Variants in NRG3 observed in about 807,000 individuals in gnomAD.
NRG3 encodes the protein pro-neuregulin-3, membrane-bound isoform.
NRG3 carries 31 observed loss-of-function variants against 66.9 expected under a neutral mutation model. The observed-to-expected ratio is 0.46, with a 90% CI of 0.35 to 0.63. The LOEUF is 0.63. Ranked by LOEUF, NRG3 falls within the 20% of genes least tolerant of loss-of-function variation. The probability of loss-of-function intolerance (pLI) is 0.00; values close to 1 mark genes in which losing one functional copy is unlikely to be tolerated. For missense variants in NRG3, 910 were observed against 878.9 expected, an observed-to-expected ratio of 1.04 and a Z score of -0.45; for synonymous variants, 393 against 359.4, an observed-to-expected ratio of 1.09 and a Z score of -1.06.
chr10:82,981,236 G>A (rs557968300), intron 8 of NRG3, among the ~76,000 whole-genome samples: 55 of 152,250 alleles, frequency 3.6e-4, no homozygotes, highest in African/African-American at 1.3e-3. Flanking sequence ...CTTATTTTCT[G>A]CGTGGTGGTG....
At chr10:82,676,038 C>T (rs1057078532) in intron 2 of NRG3, among the ~76,000 whole-genome samples, 7 of 152,132 alleles carry the variant, frequency 4.6e-5, no homozygotes, top group Non-Finnish European at 1.0e-4. Flanking sequence ...GGTGTATTCT[C>T]ATTCAATAAT....
At chr10:82,808,366 A>T (rs2135485196) in intron 3 of NRG3, among the ~76,000 whole-genome samples, 1 of 152,326 alleles carries the variant, frequency 6.6e-6, no homozygotes, top group South Asian at 2.1e-4. Context: ...TCCAGAAAAT[A>T]AATATTCAAA....
intron 3 of NRG3, among the ~76,000 whole-genome samples, chr10:82,853,018 G>C (rs554582809): frequency 6.6e-6 from 1 of 152,132 alleles, no homozygotes; most frequent in East Asian, 1.9e-4. Context: ...TTGCATGATG[G>C]CCTGGTTTGA....
intron 1 of NRG3, among the ~76,000 whole-genome samples, chr10:82,013,929 G>A (rs938063266): frequency 3.3e-5 from 5 of 152,042 alleles, no homozygotes; most frequent in Non-Finnish European, 5.9e-5. Flanking sequence ...AACTTTAATA[G>A]CACGTATTGG....
At chr10:81,950,492 A>G (rs1383515080) in intron 1 of NRG3, among the ~76,000 whole-genome samples, 1 of 152,162 alleles carries the variant, frequency 6.6e-6, no homozygotes, top group African/African-American at 2.4e-5. Flanking sequence ...CTGTGAACTC[A>G]CCCTGTGTTC....
chr10:82,711,541 G>A (rs1474799499), intron 2 of NRG3, among the ~76,000 whole-genome samples: 1 of 79,182 alleles, frequency 1.3e-5, no homozygotes, highest in African/African-American at 6.3e-5. Context: ...GTGTTTGTGT[G>A]TGTGTGTGTG....
chr10:82,260,395 CAT>C lies in NRG3; in HGVS notation c.824-98343_824-98342del, dbSNP rs2077961878. 2.0e-5 allele frequency among the ~76,000 whole-genome samples: 3 copies of C among 152,300 alleles called. No homozygotes were observed. The South Asian group carries it at 6.2e-4, about 32-fold the overall frequency. On this transcript the variant is annotated intron_variant, in intron 1 of 8. Coordinates refer to ENST00000372141, the MANE Select transcript of NRG3 (RefSeq NM_001010848.4). ...ATCAGGAAGGGATTCTTAGAAGTGACATGTGCCCTGGATTAAGTAGAGGCCTG... is the reference window on the plus strand; with the variant it reads ...ATCAGGAAGGGATTCTTAGAAGTGACGTGCCCTGGATTAAGTAGAGGCCTG...
chr10:82,324,459 TTG>T (rs1452821037), intron 1 of NRG3, among the ~76,000 whole-genome samples: 2 of 152,120 alleles, frequency 1.3e-5, no homozygotes, highest in Non-Finnish European at 2.9e-5. Flanking sequence ...TCTGCTTATT[TTG>T]TGTTTCATTT....
intron 2 of NRG3, among the ~76,000 whole-genome samples, chr10:82,365,052 G>A (rs917413800): frequency 2.4e-4 from 37 of 152,264 alleles, no homozygotes; most frequent in African/African-American, 6.0e-4. Context: ...TGGTCATTGC[G>A]TAACGACAAT....
intron 1 of NRG3, among the ~76,000 whole-genome samples, chr10:82,096,346 C>A (rs190670112): frequency 1.4e-3 from 206 of 152,102 alleles, no homozygotes; most frequent in African/African-American, 4.8e-3. Flanking sequence ...CATGGTGGCA[C>A]ATGCCTGTAG....
Position 81,876,162 on chromosome 10 carries a change from T to C in NRG3, c.822T>C (p.Phe274=). ...TTPETSTSPK[F]HTTTYSTERS... ...CAGAAACTAGCACCAGCCCCAAATT[T>C]CGTAAGTAAACACTGTGTCTCAACT... The change falls in exon 1 of 9, where the codon TTT becomes TTC. Residue 274 remains phenylalanine, a splice_region_variant and synonymous_variant. Coordinates refer to ENST00000372141, the MANE Select transcript of NRG3 (RefSeq NM_001010848.4). 1 of 1,576,510 alleles carries C rather than the reference T, an allele frequency of 6.3e-7. No homozygotes were observed. The highest frequency in any genetic ancestry group is 1.2e-5 in the South Asian group (1 of 86,724).
chr10:82,838,830 C>T (rs769498796), intron 3 of NRG3, among the ~76,000 whole-genome samples: 4 of 151,984 alleles, frequency 2.6e-5, no homozygotes, highest in Admixed American at 6.6e-5. Flanking sequence ...AAGACATACC[C>T]GAGACTGGGT....
chr10:82,915,573 G>T (rs1486025925), intron 4 of NRG3, among the ~76,000 whole-genome samples: 2 of 151,986 alleles, frequency 1.3e-5, no homozygotes, highest in Non-Finnish European at 2.9e-5. Context: ...TAAATATTGT[G>T]TAATTTTTCT....
At chr10:82,885,029 T>A (rs1842613282) in intron 4 of NRG3, among the ~76,000 whole-genome samples, 1 of 152,194 alleles carries the variant, frequency 6.6e-6, no homozygotes, top group Non-Finnish European at 1.5e-5. Context: ...AGAAATGGAA[T>A]CACAATCTCA....
intron 2 of NRG3, among the ~76,000 whole-genome samples, chr10:82,456,697 A>AGAAACAAAT (rs1160222242): frequency 6.6e-6 from 1 of 152,140 alleles, no homozygotes; most frequent in African/African-American, 2.4e-5. Context: ...AAAGTTCAAT[A>AGAAACAAAT]TTTAATACAT....
chr10:82,338,985 C>T (rs2082536360), intron 1 of NRG3, among the ~76,000 whole-genome samples: 2 of 152,134 alleles, frequency 1.3e-5, no homozygotes, highest in South Asian at 4.1e-4. Flanking sequence ...CTTAAGATGA[C>T]ACCAACACTG....
At chr10:81,887,847 G>A (rs1589356648) in intron 1 of NRG3, among the ~76,000 whole-genome samples, 1 of 152,250 alleles carries the variant, frequency 6.6e-6, no homozygotes, top group East Asian at 1.9e-4. Context: ...GTGAATGGAA[G>A]GGGACCCAGG....
At chr10:82,925,127 G>T (rs1013941922) in intron 4 of NRG3, among the ~76,000 whole-genome samples, 2 of 152,128 alleles carry the variant, frequency 1.3e-5, no homozygotes, top group African/African-American at 2.4e-5. Context: ...ATTCCTCAAA[G>T]TTAGTTTACT....
At chr10:81,888,168 G>T (rs575795949) in intron 1 of NRG3, among the ~76,000 whole-genome samples, 1 of 152,064 alleles carries the variant, frequency 6.6e-6, no homozygotes, top group Non-Finnish European at 1.5e-5. Flanking sequence ...CCTGGCTTCA[G>T]CATTTTCCTT....
Sources: allele counts gnomAD v4.1 joint callset (sites outside exome capture counted in the v4.1 genomes callset), GRCh38; gene constraint gnomAD v4.1.1; transcripts MANE v1.5; gene names NCBI Gene and HGNC (gene_info 2026-07-23, HGNC 2026-07-21).